The following GABRB2 variants were observed in gnomAD, a reference collection of about 807,000 sequenced individuals.
GABRB2 encodes gamma-aminobutyric acid receptor subunit beta-2.
A neutral mutation model predicts 54.7 loss-of-function variants in GABRB2; 16 were observed. The observed-to-expected ratio is 0.29, with a 90% CI of 0.20 to 0.44. The LOEUF (loss-of-function observed/expected upper bound fraction) is 0.44, where lower values mean the gene tolerates loss of function less well. Ranked by LOEUF, GABRB2 falls within the 20% of genes least tolerant of loss-of-function variation. The pLI, the probability that GABRB2 is intolerant of heterozygous loss-of-function variation, is 1.00. For synonymous variants in GABRB2, 244 were observed against 233.8 expected, an observed-to-expected ratio of 1.04 and a Z score of -0.40; for missense variants, 355 against 644.0, an observed-to-expected ratio of 0.55 and a Z score of 4.86.
At chr5:161,353,489 T>C (rs1754530704) in intron 5 of GABRB2, among the ~76,000 whole-genome samples, 1 of 152,016 alleles carries the variant, frequency 6.6e-6, no homozygotes, top group Non-Finnish European at 1.5e-5. Context: ...ATTAGGTCAG[T>C]GATTTCAAGC....
Position 161,311,362 on chromosome 5 carries a change from C to T in GABRB2, c.1191+15006G>A, listed in dbSNP as rs76017473. Among the ~76,000 whole-genome samples, 909 of 152,046 alleles carry T rather than the reference C, an allele frequency of 6.0e-3. 9 individuals carry two copies. Among genetic ancestry groups the T allele is most frequent in the African/African-American group, 0.021 (860 of 41,398 alleles). ...AAAGATATTTTAAAACAGCTTCACA[C>T]GCAATCTGTGATTCAAATGTGCAAC... On this transcript the variant is annotated intron_variant, in intron 9 of 9. Coordinates refer to ENST00000393959, the MANE Select transcript of GABRB2 (RefSeq NM_001371727.1).
rs77491341 is a variant in GABRB2 at position 161,317,935 on chromosome 5, C to A, written c.1191+8433G>T. 4.9e-3 allele frequency among the ~76,000 whole-genome samples: 744 copies of A among 151,886 alleles called. 10 individuals carry two copies. The highest frequency in any genetic ancestry group is 0.017 in the African/African-American group (712 of 41,478). Reference sequence around the variant, plus strand: ...ACAAGATTATACCCATTATAAACTGCAAAGGGAGAGCAACAATCAGTGCTG... The same window carrying A: ...ACAAGATTATACCCATTATAAACTGAAAAGGGAGAGCAACAATCAGTGCTG... On this transcript the variant is annotated intron_variant, in intron 9 of 9. Transcript: ENST00000393959.
intron 3 of GABRB2, among the ~76,000 whole-genome samples, chr5:161,537,799 A>T (rs2113469651): frequency 6.6e-6 from 1 of 152,214 alleles, no homozygotes; most frequent in East Asian, 1.9e-4. Flanking sequence ...AGACACAAAA[A>T]TGGTCTTCAT....
upstream of GABRB2, chr5:161,547,013 T>C (rs1278617831): frequency 4.7e-6 from 1 of 213,358 alleles, no homozygotes; most frequent in Non-Finnish European, 9.4e-6. Context: ...TGTGGGTTTT[T>C]GGTGTGTGTG....
At chr5:161,412,828 CT>C (rs1443936991) in intron 4 of GABRB2, among the ~76,000 whole-genome samples, 4 of 152,296 alleles carry the variant, frequency 2.6e-5, no homozygotes, top group Admixed American at 2.6e-4. Flanking sequence ...AAGTGGTTGC[CT>C]TAACTAATGC....
At chr5:161,401,326 A>G (rs1456206498) in intron 5 of GABRB2, among the ~76,000 whole-genome samples, 1 of 152,222 alleles carries the variant, frequency 6.6e-6, no homozygotes, top group East Asian at 1.9e-4. Context: ...AAATACAAAA[A>G]TAACTATATT....
chr5:161,548,063 G>C (rs1373023862), upstream of GABRB2: 1 of 152,934 alleles, frequency 6.5e-6, no homozygotes, highest in African/African-American at 2.4e-5. Context: ...CCTCACCTCC[G>C]GAGGCACTGT....
At chr5:161,380,328 C>T (rs1017498026) in intron 5 of GABRB2, among the ~76,000 whole-genome samples, 4 of 152,102 alleles carry the variant, frequency 2.6e-5, no homozygotes, top group Admixed American at 6.6e-5. Context: ...TGTGAATTGT[C>T]ACCTAGGCCC....
chr5:161,378,759 G>A (rs1004135081), intron 5 of GABRB2, among the ~76,000 whole-genome samples: 4 of 152,176 alleles, frequency 2.6e-5, no homozygotes, highest in South Asian at 2.1e-4. Context: ...GAAATGCCAC[G>A]AAATGTCTCA....
intron 3 of GABRB2, among the ~76,000 whole-genome samples, chr5:161,541,235 A>G (rs1481845849): frequency 1.3e-5 from 2 of 151,876 alleles, no homozygotes; most frequent in East Asian, 1.9e-4. Flanking sequence ...ATCATGCTGT[A>G]AACAGATATG....
At chr5:161,510,922 T>C (rs1412918011) in intron 3 of GABRB2, among the ~76,000 whole-genome samples, 1 of 151,952 alleles carries the variant, frequency 6.6e-6, no homozygotes, top group Non-Finnish European at 1.5e-5. Context: ...CATAGTTGCT[T>C]AGAGGCTCAT....
At chr5:161,383,426 A>G (rs1336705424) in intron 5 of GABRB2, among the ~76,000 whole-genome samples, 2 of 152,144 alleles carry the variant, frequency 1.3e-5, no homozygotes, top group Non-Finnish European at 2.9e-5. Context: ...TATAATCAAG[A>G]AAATAACTTA....
chr5:161,538,473 A>G (rs1760711143), intron 3 of GABRB2, among the ~76,000 whole-genome samples: 1 of 152,250 alleles, frequency 6.6e-6, no homozygotes. Flanking sequence ...CTTACAGAAA[A>G]GGAAAGACGT....
Position 161,461,699 on chromosome 5 carries a change from A to T in GABRB2, c.238-1855T>A, listed in dbSNP as rs73800517. On this transcript the variant is annotated intron_variant, in intron 3 of 9. Coordinates refer to ENST00000393959, the MANE Select transcript of GABRB2 (RefSeq NM_001371727.1). ...ATTTGAAAAGCATAATTACAATTCT[A>T]TTTTAAAATCAGTTCACAATGCCCT... Among the ~76,000 whole-genome samples, 5 of 152,320 alleles carry T rather than the reference A, an allele frequency of 3.3e-5. No homozygotes were observed. The South Asian group carries it at 1.0e-3, about 32-fold the overall frequency.
intron 5 of GABRB2, among the ~76,000 whole-genome samples, chr5:161,392,262 T>C (rs1755848135): frequency 6.6e-6 from 1 of 152,196 alleles, no homozygotes; most frequent in Admixed American, 6.5e-5. Context: ...AATGTTTATC[T>C]AGGACCTTGA....
chr5:161,514,044 A>T (rs1011249044), intron 3 of GABRB2, among the ~76,000 whole-genome samples: 2 of 152,114 alleles, frequency 1.3e-5, no homozygotes, highest in Non-Finnish European at 2.9e-5. Flanking sequence ...GATGTTTTTC[A>T]TATAGTTGTA....
chr5:161,352,603 T>G (rs1488056940), intron 5 of GABRB2, among the ~76,000 whole-genome samples: 1 of 151,958 alleles, frequency 6.6e-6, no homozygotes, highest in Non-Finnish European at 1.5e-5. Flanking sequence ...TTCAGTTAGA[T>G]AGGAGAGATA....
intron 5 of GABRB2, among the ~76,000 whole-genome samples, chr5:161,347,822 G>A (rs1035275370): frequency 6.6e-6 from 1 of 152,102 alleles, no homozygotes; most frequent in African/African-American, 2.4e-5. Flanking sequence ...AATGGAGAAT[G>A]CTGGGTTCTG....
chr5:161,411,466 A>G (rs1005377554), intron 4 of GABRB2, among the ~76,000 whole-genome samples: 2 of 152,194 alleles, frequency 1.3e-5, no homozygotes, highest in African/African-American at 4.8e-5. Flanking sequence ...GATCAGAAAC[A>G]TGTAATCTAT....
Sources: gnomAD v4.1 joint callset for allele counts (sites outside exome capture counted in the v4.1 genomes callset) on GRCh38, gnomAD v4.1.1 for gene constraint, MANE v1.5 for transcripts, NCBI Gene and HGNC (gene_info 2026-07-23, HGNC 2026-07-21) for gene names.